ATP8A2: variants seen among roughly 807,000 people sequenced by gnomAD.
ATP8A2 encodes phospholipid-transporting ATPase IB.
ATP8A2 carries 100 observed loss-of-function variants against 165.6 expected under a neutral mutation model. The observed-to-expected ratio is 0.60, with a 90% CI of 0.51 to 0.71. The LOEUF is 0.71. Among genes scored for constraint, ATP8A2 ranks in the 30% least tolerant of loss-of-function variants. The pLI is 0.00. For synonymous variants in ATP8A2, 543 were observed against 548.8 expected (o/e 0.99, Z 0.15); for missense variants, 1,227 against 1,479.5 (o/e 0.83, Z 2.80).
chr13:25,885,463 C>G (rs184816117), intron 33 of ATP8A2, among the ~76,000 whole-genome samples: 2 of 152,154 alleles, frequency 1.3e-5, no homozygotes, highest in Admixed American at 1.3e-4. Context: ...GCCCTCTCTC[C>G]TTCTTTTGGG....
chr13:25,717,041 CT>C (rs1329110761), intron 25 of ATP8A2, among the ~76,000 whole-genome samples: 2 of 152,166 alleles, frequency 1.3e-5, no homozygotes, highest in Non-Finnish European at 2.9e-5. Context: ...AGAAAGGTGA[CT>C]TTAATCATTG....
At chr13:25,854,711 G>A (rs1253795612) in intron 30 of ATP8A2, among the ~76,000 whole-genome samples, 1 of 152,196 alleles carries the variant, frequency 6.6e-6, no homozygotes, top group Non-Finnish European at 1.5e-5. Context: ...TGTGAGGATG[G>A]AAATGTTCTG....
chr13:25,592,346 C>T (rs895813873), intron 24 of ATP8A2, among the ~76,000 whole-genome samples: 1 of 151,972 alleles, frequency 6.6e-6, no homozygotes, highest in African/African-American at 2.4e-5. Flanking sequence ...ACATATTATG[C>T]ACTCAGTAAA....
chr13:25,599,216 G>A (rs1485257343), intron 24 of ATP8A2, among the ~76,000 whole-genome samples: 13 of 152,156 alleles, frequency 8.5e-5, no homozygotes, highest in Admixed American at 2.6e-4. Context: ...CTCTTTCTCT[G>A]TGCAGTTCCT....
At chr13:25,984,062 C>T (rs1211794687) in intron 35 of ATP8A2, among the ~76,000 whole-genome samples, 3 of 151,584 alleles carry the variant, frequency 2.0e-5, no homozygotes, top group East Asian at 2.0e-4. Context: ...ACGAGACCCC[C>T]GTCACTACAA....
intron 1 of ATP8A2, among the ~76,000 whole-genome samples, chr13:25,466,689 G>C (rs1236408280): frequency 6.6e-6 from 1 of 152,148 alleles, no homozygotes; most frequent in Non-Finnish European, 1.5e-5. Flanking sequence ...GAGAGGGCAG[G>C]GCCCGGGAAC....
chr13:25,773,141 T>C (rs1442165169), intron 26 of ATP8A2, among the ~76,000 whole-genome samples: 1 of 152,178 alleles, frequency 6.6e-6, no homozygotes, highest in Non-Finnish European at 1.5e-5. Flanking sequence ...GTCCTGGGCA[T>C]TCTCAATACA....
chr13:25,472,364 A>T (rs1458681843), intron 2 of ATP8A2, among the ~76,000 whole-genome samples: 2 of 150,396 alleles, frequency 1.3e-5, no homozygotes, highest in African/African-American at 4.9e-5. Context: ...ACTGCACTCT[A>T]GCCTGGGTGA....
At chr13:25,720,842 T>G (rs2043363590) in intron 25 of ATP8A2, among the ~76,000 whole-genome samples, 2 of 152,194 alleles carry the variant, frequency 1.3e-5, no homozygotes, top group Admixed American at 6.5e-5. Flanking sequence ...CTTGTCTTAT[T>G]ATAGCCTCAT....
At chr13:25,644,748 T>C (rs1189400287) in intron 24 of ATP8A2, among the ~76,000 whole-genome samples, 1 of 152,300 alleles carries the variant, frequency 6.6e-6, no homozygotes, top group Middle Eastern at 3.4e-3. Flanking sequence ...GTGGTCTATT[T>C]AGATTTTCTA....
At chr13:25,856,035 G>A (rs1440377993) in intron 30 of ATP8A2, among the ~76,000 whole-genome samples, 1 of 152,112 alleles carries the variant, frequency 6.6e-6, no homozygotes, top group Non-Finnish European at 1.5e-5. Flanking sequence ...AGCTCTTTGT[G>A]CATTTTGGAT....
intron 33 of ATP8A2, among the ~76,000 whole-genome samples, chr13:25,928,408 A>T (rs529619828): frequency 7.2e-5 from 11 of 152,312 alleles, no homozygotes; most frequent in African/African-American, 2.6e-4. Flanking sequence ...CTTCATTTAC[A>T]TTGAGCCTGT....
intron 30 of ATP8A2, among the ~76,000 whole-genome samples, chr13:25,849,471 A>G (rs1020469047): frequency 4.6e-5 from 7 of 152,192 alleles, no homozygotes; most frequent in Non-Finnish European, 7.3e-5. Context: ...AATGGCATCA[A>G]CCTAGCTCTT....
Position 25,551,368 on chromosome 13 carries a change from A to T in ATP8A2, c.922A>T (p.Asn308Tyr). ...NSTKAPLKRS[N>Y]VEKVTNVQIL... ...AACCAAAGCGCCTCTCAAGAGATCA[A>T]ATGTTGAGAAGGTGACTAACGTGCA... Residue 308 changes from asparagine to tyrosine, a missense_variant, in exon 11 of 37, where the codon AAT becomes TAT. Asn to Tyr is a moderately radical substitution (Grantham distance 143). Transcript: ENST00000381655. 1.2e-6 allele frequency: 2 copies of T among 1,614,060 alleles called. No individual in the cohort carries two copies. Among genetic ancestry groups the T allele is most frequent in the Non-Finnish European group, 1.7e-6 (2 of 1,179,978 alleles).
At position 25,853,152 on chromosome 13, in the gene ATP8A2, G is replaced by A. The variant is rs142440284; in HGVS notation, c.2957-7043G>A. Among the ~76,000 whole-genome samples the A allele has an allele frequency of 7.1e-3, 1,077 of 151,874 alleles. 17 individuals carry two copies. The highest frequency in any genetic ancestry group is 0.024 in the African/African-American group (1,014 of 41,388). On this transcript the variant is annotated intron_variant, in intron 30 of 36. Coordinates refer to ENST00000381655, the MANE Select transcript of ATP8A2 (RefSeq NM_016529.6). The stretch of plus-strand genomic sequence containing the variant: ...GGCTGTAATTCCAGCACTTTGGGGG[G>A]CTGAGACAGGTGGATCACTTGAGGT...
At chr13:25,537,005 A>G (rs2038307270) in intron 6 of ATP8A2, among the ~76,000 whole-genome samples, 1 of 152,196 alleles carries the variant, frequency 6.6e-6, no homozygotes, top group Non-Finnish European at 1.5e-5. Context: ...CTATAAAGCT[A>G]GGATTGGAGT....
chr13:25,792,949 G>A (rs2045217948), intron 27 of ATP8A2, among the ~76,000 whole-genome samples: 1 of 148,274 alleles, frequency 6.7e-6, no homozygotes, highest in Admixed American at 6.9e-5. Flanking sequence ...AAGAAAGGAA[G>A]GAAAGAAGGA....
intron 24 of ATP8A2, among the ~76,000 whole-genome samples, chr13:25,624,214 A>G (rs1303518509): frequency 6.6e-6 from 1 of 152,138 alleles, no homozygotes; most frequent in Non-Finnish European, 1.5e-5. Flanking sequence ...GACTGTGGGC[A>G]TTTCTTTCCT....
intron 27 of ATP8A2, among the ~76,000 whole-genome samples, chr13:25,807,768 G>A (rs1388419526): frequency 6.6e-6 from 1 of 151,926 alleles, no homozygotes; most frequent in African/African-American, 2.4e-5. Context: ...AACTCACTCT[G>A]CTCATGTTAC....
Sources: gnomAD v4.1 joint callset for allele counts (sites outside exome capture counted in the v4.1 genomes callset) on GRCh38, gnomAD v4.1.1 for gene constraint, MANE v1.5 for transcripts, NCBI Gene and HGNC (gene_info 2026-07-23, HGNC 2026-07-21) for gene names.